KLHL2: variants seen among roughly 807,000 people sequenced by gnomAD.
KLHL2 encodes the protein kelch-like protein 2.
A neutral mutation model predicts 75.8 loss-of-function variants in KLHL2; 15 were observed. The observed-to-expected ratio is 0.20, with a 90% CI of 0.13 to 0.30. KLHL2 has a LOEUF of 0.30. KLHL2 is among the 10% of genes least tolerant of loss of function. The pLI, the probability that KLHL2 is intolerant of heterozygous loss-of-function variation, is 1.00. For synonymous variants in KLHL2, 214 were observed against 251.9 expected (o/e 0.85, Z 1.42); for missense variants, 381 against 741.0 (o/e 0.51, Z 5.64).
chr4:165,249,108 G>A (rs1355878500), intron 4 of KLHL2, among the ~76,000 whole-genome samples: 1 of 152,186 alleles, frequency 6.6e-6, no homozygotes, highest in Non-Finnish European at 1.5e-5. Context: ...GCAATTCCTG[G>A]AACAGGGCAC....
Position 165,319,508 on chromosome 4 carries a change from G to GA in KLHL2, c.1753+1544dup, listed in dbSNP as rs372073273. 0.011 allele frequency among the ~76,000 whole-genome samples: 1,696 copies of GA among 152,252 alleles called. 23 individuals carry two copies. Among genetic ancestry groups the GA allele is most frequent in the African/African-American group, 0.036 (1,509 of 41,544 alleles). ...CCAGGGTAGGGATCATTGTAAAAAGGAAAAAGGAAATTCATGAAGCCGTCC... is the reference window on the plus strand; with the variant it reads ...CCAGGGTAGGGATCATTGTAAAAAGGAAAAAAGGAAATTCATGAAGCCGTCC... On this transcript the variant is annotated intron_variant, in intron 14 of 14. Transcript: ENST00000226725. The surrounding 1 kb of genome is among the most constrained non-coding windows in gnomAD (Gnocchi z 4.5).
At chr4:165,275,781 G>A (rs1375513015) in intron 5 of KLHL2, among the ~76,000 whole-genome samples, 1 of 152,124 alleles carries the variant, frequency 6.6e-6, no homozygotes, top group Admixed American at 6.5e-5. Flanking sequence ...GAAATTCTGG[G>A]CTTGGTAAGC....
At chr4:165,269,345 C>G (rs1212128861) in intron 5 of KLHL2, among the ~76,000 whole-genome samples, 1 of 152,114 alleles carries the variant, frequency 6.6e-6, no homozygotes, top group African/African-American at 2.4e-5. Flanking sequence ...TGAATTTGAT[C>G]CTGTCATTAT....
chr4:165,311,267 A>G lies in KLHL2; in HGVS notation c.1238-197A>G, dbSNP rs184944674. On this transcript the variant is annotated intron_variant, in intron 10 of 14. Coordinates refer to ENST00000226725, the MANE Select transcript of KLHL2 (RefSeq NM_007246.4). ...ATCAGTCATCAAATTTTAAAAGCTT[A>G]TAAATATCAGTAGCTTAGGTAGGAG... Among the ~76,000 whole-genome samples the G allele has an allele frequency of 6.2e-3, 942 of 152,316 alleles. 5 individuals carry two copies. Among genetic ancestry groups the G allele is most frequent in the Non-Finnish European group, 9.2e-3 (626 of 68,018 alleles).
At chr4:165,252,785 G>A (rs1473251995) in intron 4 of KLHL2, 1 of 152,114 alleles carries the variant, frequency 6.6e-6, no homozygotes, top group Non-Finnish European at 1.5e-5. Context: ...CTCTTATTTT[G>A]GATTCTATCA....
At chr4:165,226,838 G>A (rs190001901) in intron 2 of KLHL2, among the ~76,000 whole-genome samples, 27 of 152,218 alleles carry the variant, frequency 1.8e-4, no homozygotes, top group Admixed American at 1.1e-3. Flanking sequence ...AAGAGGCTCT[G>A]GAGTCAGCCT....
chr4:165,265,545 T>A (rs1742175046), intron 5 of KLHL2, among the ~76,000 whole-genome samples: 1 of 152,122 alleles, frequency 6.6e-6, no homozygotes, highest in East Asian at 1.9e-4. Flanking sequence ...CTTGGGTTAA[T>A]TTTTATATAT....
At chr4:165,268,467 G>A (rs142653933) in intron 5 of KLHL2, among the ~76,000 whole-genome samples, 1,985 of 152,062 alleles carry the variant, frequency 0.013, 29 homozygotes, top group Non-Finnish European at 0.018. Flanking sequence ...TAAATTTCCC[G>A]CTACACACTG....
chr4:165,219,169 G>A (rs1369633899), intron 1 of KLHL2, among the ~76,000 whole-genome samples: 2 of 152,142 alleles, frequency 1.3e-5, no homozygotes, highest in African/African-American at 4.8e-5. Flanking sequence ...CTTAAAAAAT[G>A]TAAATTTAAA....
Position 165,322,086 on chromosome 4 carries a change from T to G in KLHL2, c.*26T>G. 2 of 1,604,142 alleles carry G rather than the reference T, an allele frequency of 1.2e-6. No homozygotes were observed. The highest frequency in any genetic ancestry group is 1.7e-6 in the Non-Finnish European group (2 of 1,170,976). ...GCCTGAAGGACATTTTCAGCATATTTATACATGAGAAACAGCCTTCAACAA... is the reference window on the plus strand; with the variant it reads ...GCCTGAAGGACATTTTCAGCATATTGATACATGAGAAACAGCCTTCAACAA... On this transcript the variant is annotated 3_prime_UTR_variant, in exon 15 of 15. Transcript: ENST00000226725.
At chr4:165,279,501 T>G (rs1296825624) in intron 5 of KLHL2, 8 of 1,570,100 alleles carry the variant, frequency 5.1e-6, no homozygotes, top group Non-Finnish European at 7.0e-6. Context: ...CATCCTTCTC[T>G]TGGGAACTCT....
intron 9 of KLHL2, among the ~76,000 whole-genome samples, chr4:165,306,904 A>G (rs1464010478): frequency 6.6e-6 from 1 of 152,218 alleles, no homozygotes; most frequent in Non-Finnish European, 1.5e-5. Context: ...TGTATACCAA[A>G]GTTTTGTGTC....
intron 4 of KLHL2, among the ~76,000 whole-genome samples, chr4:165,258,030 C>G (rs1513063): frequency 2.6e-5 from 4 of 151,928 alleles, no homozygotes; most frequent in Admixed American, 2.6e-4. Context: ...ACTCAGGGTT[C>G]GGTTGATGGA....
rs1233055386 is a variant in KLHL2 at position 165,264,730 on chromosome 4, A to G, written c.544+1371A>G. 6.9e-3 allele frequency among the ~76,000 whole-genome samples: 522 copies of G among 75,850 alleles called. 7 individuals carry two copies. Among genetic ancestry groups the G allele is most frequent in the African/African-American group, 0.024 (503 of 20,982 alleles). 49.8% of individuals were successfully genotyped at this position (75,850 alleles called of 152,430 possible). A position where few individuals can be genotyped will look rare whatever the true frequency, so the allele number is the denominator to read the frequency against. On this transcript the variant is annotated intron_variant, in intron 5 of 14. Coordinates refer to ENST00000226725, the MANE Select transcript of KLHL2 (RefSeq NM_007246.4). ...TATATATATATATATACATATATAT[A>G]TATATATATGTATATATATATATAT...
intron 1 of KLHL2, chr4:165,209,927 C>G: frequency 8.3e-7 from 1 of 1,207,034 alleles, no homozygotes; most frequent in South Asian, 1.7e-5. Context: ...CTGTTTGCCT[C>G]CACTCCCATT....
At chr4:165,297,831 G>A in intron 7 of KLHL2, 106 bp downstream of exon 7, 1 of 789,936 alleles carries the variant, frequency 1.3e-6, no homozygotes, top group Non-Finnish European at 2.3e-6. Flanking sequence ...ATGCAGATCT[G>A]TGGAGTACAG....
At chr4:165,250,292 G>A (rs114505434) in intron 4 of KLHL2, among the ~76,000 whole-genome samples, 2,257 of 152,282 alleles carry the variant, frequency 0.015, 56 homozygotes, top group African/African-American at 0.051. Flanking sequence ...AAGTTGCCAA[G>A]TAGCAAGGAG....
chr4:165,303,136 G>A (rs11725104), intron 8 of KLHL2, among the ~76,000 whole-genome samples: 2 of 151,824 alleles, frequency 1.3e-5, no homozygotes, highest in South Asian at 2.1e-4. Flanking sequence ...GACCCAAATC[G>A]TTACCCCATT....
intron 2 of KLHL2, among the ~76,000 whole-genome samples, chr4:165,220,949 A>G (rs1181260232): frequency 6.6e-6 from 1 of 152,184 alleles, no homozygotes; most frequent in Non-Finnish European, 1.5e-5. Flanking sequence ...TTTATGAAAG[A>G]TCTGCTTTTT....
Sources: allele counts gnomAD v4.1 joint callset (sites outside exome capture counted in the v4.1 genomes callset), GRCh38; gene constraint gnomAD v4.1.1; non-coding constraint Gnocchi (gnomAD v3.1); transcripts MANE v1.5; gene names NCBI Gene and HGNC (gene_info 2026-07-23, HGNC 2026-07-21).